The following ADCK5 variants were observed in gnomAD, a reference collection of about 807,000 sequenced individuals.
ADCK5 encodes aarF domain containing kinase 5.
A neutral mutation model predicts 64.9 loss-of-function variants in ADCK5; 43 were observed. The observed-to-expected ratio is 0.66, with a 90% CI of 0.52 to 0.85. ADCK5 has a LOEUF of 0.85. Among genes scored for constraint, ADCK5 ranks in the 40% least tolerant of loss-of-function variants. The pLI, the probability that ADCK5 is intolerant of heterozygous loss-of-function variation, is 0.00. For synonymous variants in ADCK5, 434 were observed against 342.8 expected (o/e 1.27, Z -2.94); for missense variants, 760 against 810.5 (o/e 0.94, Z 0.76).
chr8:144,376,903 T>C lies in ADCK5; in HGVS notation c.13-2484T>C, dbSNP rs1819389598. ...CTTGTGAATCAGCACTTGCTGCATG[T>C]GACCTCGCCAAGCAGGGGTTTCTGT... On this transcript the variant is annotated intron_variant, in intron 1 of 14. Transcript: ENST00000308860. This position sits in a 1 kb window ranked among gnomAD's most constrained non-coding sequence, Gnocchi z 5.1. Among the ~76,000 whole-genome samples the C allele has an allele frequency of 6.6e-6, 1 of 152,242 alleles. No homozygotes were observed. Among genetic ancestry groups the C allele is most frequent in the African/African-American group, 2.4e-5 (1 of 41,468 alleles).
Position 144,393,123 on chromosome 8 carries a change from G to A in ADCK5, c.*49G>A, listed in dbSNP as rs1820413608. 6.8e-7 allele frequency: 1 copy of A among 1,474,204 alleles called. No homozygotes were observed. Among genetic ancestry groups the A allele is most frequent in the Non-Finnish European group, 9.0e-7 (1 of 1,110,518 alleles). The allele number at this position is 1,474,204 out of a possible 1,614,324, so 91.3% of individuals were successfully genotyped here. A position where few individuals can be genotyped will look rare whatever the true frequency, so the allele number is the denominator to read the frequency against. On this transcript the variant is annotated 3_prime_UTR_variant, in exon 15 of 15. Transcript: ENST00000308860. Reference sequence around the variant, plus strand: ...GGGCCCTTTTCACCTTGGGCTGACGGAGGTGGCGGGGCTAGAGGTGTAGAC... The same window carrying A: ...GGGCCCTTTTCACCTTGGGCTGACGAAGGTGGCGGGGCTAGAGGTGTAGAC...
Position 144,391,924 on chromosome 8 carries a change from GCCTCT to G in ADCK5, c.1015-9_1015-5del. 6.2e-7 allele frequency: 1 copy of G among 1,612,012 alleles called. No individual in the cohort carries two copies. Among genetic ancestry groups the G allele is most frequent in the Non-Finnish European group, 8.5e-7 (1 of 1,179,928 alleles). ...GGGCTGGTGCTGTGTCCACTGCAAT[GCCTCT>G]CCTCTCCCCAGATAGCAGAAAAGCT... On this transcript the variant is annotated splice_polypyrimidine_tract_variant and intron_variant, in intron 9 of 14. Transcript: ENST00000308860.
intron 3 of ADCK5, chr8:144,389,273 C>A: frequency 2.2e-6 from 1 of 456,766 alleles, no homozygotes; most frequent in South Asian, 1.5e-5. Context: ...ACCTTGCCTC[C>A]CCAGGCCTTG....
upstream of ADCK5, chr8:144,373,997 G>T (rs1165035837): frequency 7.4e-6 from 9 of 1,211,778 alleles, no homozygotes; most frequent in African/African-American, 1.4e-4. Context: ...CGGGGCTCTG[G>T]CTCCGGCGCG....
chr8:144,392,453 C>T lies in ADCK5; in HGVS notation c.1276C>T (p.Leu426=). ...CCTCCCTCCCTCCCCAGACTACCTC[C>T]TGTTCGCCGAGATGCTCATGCAGCG... is the stretch of plus-strand genomic sequence containing the variant. ...AAALGVQDYL[L]FAEMLMQRPV... The change falls in exon 13 of 15, where the codon CTG becomes TTG. Residue 426 remains leucine, a synonymous_variant. Coordinates refer to ENST00000308860, the MANE Select transcript of ADCK5 (RefSeq NM_174922.5). 5 of 1,487,474 alleles carry T rather than the reference C, an allele frequency of 3.4e-6. No homozygotes were observed. Among genetic ancestry groups the T allele is most frequent in the Non-Finnish European group, 4.5e-6 (5 of 1,116,920 alleles). The allele number at this position is 1,487,474 out of a possible 1,614,324, so 92.1% of individuals were successfully genotyped here.
intron 2 of ADCK5, among the ~76,000 whole-genome samples, chr8:144,380,438 C>G (rs1365242741): frequency 1.2e-4 from 1 of 8,590 alleles, no homozygotes; most frequent in South Asian, 3.4e-3. Flanking sequence ...CTGCTGCACT[C>G]AGGATTATGG....
chr8:144,392,780 G>C lies in ADCK5; in HGVS notation c.1525G>C (p.Val509Leu). The C allele has an allele frequency of 6.3e-7, 1 of 1,593,026 alleles. No homozygotes were observed. Among genetic ancestry groups the C allele is most frequent in the Non-Finnish European group, 8.5e-7 (1 of 1,173,826 alleles). ...DRYFLMAKRA[V>L]RGWSRLAGAT... is the part of the protein sequence containing the mutation. ...CGCTAACGCGGGTGTGTGCAGGGCT[G>C]TCCGGGGCTGGAGCCGCCTGGCGGG... The change falls in exon 14 of 15, where the codon GTC becomes CTC. Residue 509 changes from valine to leucine, a missense_variant. Around this residue, in one of 2 missense-constraint regions of ADCK5, gnomAD observed 333 missense variants for 292.0 expected, o/e 1.14. Coordinates refer to ENST00000308860, the MANE Select transcript of ADCK5 (RefSeq NM_174922.5).
At chr8:144,385,250 T>C (rs1819863914) in intron 3 of ADCK5, among the ~76,000 whole-genome samples, 1 of 150,866 alleles carries the variant, frequency 6.6e-6, no homozygotes, top group African/African-American at 2.4e-5. Context: ...AGTGGTGCGA[T>C]CTCAGCTCAC....
chr8:144,377,686 T>C (rs1819423351), intron 1 of ADCK5, among the ~76,000 whole-genome samples: 1 of 152,224 alleles, frequency 6.6e-6, no homozygotes, highest in South Asian at 2.1e-4. Flanking sequence ...AGCTGCAGCA[T>C]GTCCTCTTCT....
At chr8:144,377,591 A>C (rs1586574257) in intron 1 of ADCK5, 1 of 152,128 alleles carries the variant, frequency 6.6e-6, no homozygotes, top group Non-Finnish European at 1.5e-5. Context: ...CTCATGATCC[A>C]CCCGCTTTGG....
At chr8:144,379,953 G>C (rs782487693) in intron 2 of ADCK5, among the ~76,000 whole-genome samples, 4 of 152,234 alleles carry the variant, frequency 2.6e-5, no homozygotes, top group Admixed American at 1.3e-4. Context: ...CAGGAAGGCC[G>C]TGGAGGGTAG....
In ADCK5 at chr8:144,391,393, T is replaced by C. The variant is rs782592909; in HGVS notation, c.717T>C (p.Asp239=). The C allele has an allele frequency of 1.2e-6, 2 of 1,613,218 alleles. No homozygotes were observed. Among genetic ancestry groups the C allele is most frequent in the Admixed American group, 3.3e-5 (2 of 60,016 alleles). Residue 239 remains aspartate, a synonymous_variant, in exon 7 of 15, where the codon GAT becomes GAC. Coordinates refer to ENST00000308860, the MANE Select transcript of ADCK5 (RefSeq NM_174922.5). The part of the protein sequence containing the change: ...VQYIDLRDRF[D]GDIHTLELLL... ...ACATCGACCTGCGGGACCGCTTTGA[T>C]GGGGACATCCACACCCTGGAGCTCC...
At chr8:144,385,711 C>A (rs1464311115) in intron 3 of ADCK5, among the ~76,000 whole-genome samples, 10 of 151,724 alleles carry the variant, frequency 6.6e-5, no homozygotes, top group Admixed American at 6.5e-4. Flanking sequence ...CGCCTGTAAT[C>A]CCAGAACTTT....
chr8:144,386,281 G>A (rs1436391429), intron 3 of ADCK5, among the ~76,000 whole-genome samples: 14 of 151,608 alleles, frequency 9.2e-5, no homozygotes, highest in African/African-American at 3.4e-4. Context: ...CAAATGGCTG[G>A]GATTACAGGT....
intron 2 of ADCK5, among the ~76,000 whole-genome samples, chr8:144,381,452 A>C (rs1554858071): frequency 2.5e-5 from 3 of 120,406 alleles, no homozygotes; most frequent in East Asian, 2.7e-4. Context: ...GTGCTCAGGC[A>C]CCTGCCGCAC....
In ADCK5 at chr8:144,391,706, A is replaced by G; in HGVS notation, c.925A>G (p.Ser309Gly). Residue 309 changes from serine (S) to glycine (G), a missense_variant, in exon 8 of 15, where the codon AGC (serine) becomes GGC (glycine). Physicochemically the swap from Ser to Gly is moderately conservative, Grantham distance 56. Around this residue, in one of 2 missense-constraint regions of ADCK5, gnomAD observed 427 missense variants for 518.4 expected, o/e 0.82. Transcript: ENST00000308860. ...VVPRVHWDKS[S>G]KRVLTADFCA... ...GCCCCGCGTGCACTGGGACAAGTCC[A>G]GCAAGGTGGGCTGGGCCAGGCCCTT... 1 of 1,539,544 alleles carries G rather than the reference A, an allele frequency of 6.5e-7. No individual in the cohort carries two copies. Among genetic ancestry groups the G allele is most frequent in the Non-Finnish European group, 8.7e-7 (1 of 1,147,198 alleles).
At chr8:144,391,541 G>C in intron 7 of ADCK5, 39 bp from the exon 8 acceptor site, 2 of 1,584,750 alleles carry the variant, frequency 1.3e-6, no homozygotes, top group South Asian at 1.1e-5. Context: ...GGAGCAGCTG[G>C]TAGGCAGAGC....
Position 144,376,437 on chromosome 8 carries a change from G to A in ADCK5, c.12+2330G>A, listed in dbSNP as rs190747749. Among the ~76,000 whole-genome samples the A allele has an allele frequency of 8.5e-5, 13 of 152,306 alleles. No homozygotes were observed. Among genetic ancestry groups the A allele is most frequent in the African/African-American group, 3.1e-4 (13 of 41,560 alleles). On this transcript the variant is annotated intron_variant, in intron 1 of 14. Coordinates refer to ENST00000308860, the MANE Select transcript of ADCK5 (RefSeq NM_174922.5). This position sits in a 1 kb window ranked among gnomAD's most constrained non-coding sequence, Gnocchi z 5.1. Reference sequence around the variant, plus strand: ...ATGAGCAAGGCTGCTGGTGGACCAGGGTAGGGTGATGGTGGCCCGGGGTCT... The same window carrying A: ...ATGAGCAAGGCTGCTGGTGGACCAGAGTAGGGTGATGGTGGCCCGGGGTCT...
chr8:144,379,476 G>A lies in ADCK5; in HGVS notation c.102G>A (p.Arg34=). ...CTGTGTTCTTCAGGAGAAACGTCAG[G>A]GGCCTTCCTCCAAGGTAACGAGTCC... The part of the protein sequence containing the change: ...SPAVFFRRNV[R]GLPPRFSSPT... The change falls in exon 2 of 15, where the codon AGG becomes AGA. Residue 34 remains arginine (R), a synonymous_variant. Coordinates refer to ENST00000308860, the MANE Select transcript of ADCK5 (RefSeq NM_174922.5). The A allele has an allele frequency of 1.2e-6, 2 of 1,603,972 alleles. No homozygotes were observed. Among genetic ancestry groups the A allele is most frequent in the Non-Finnish European group, 1.7e-6 (2 of 1,174,046 alleles).
Sources: gnomAD v4.1 joint callset for allele counts (sites outside exome capture counted in the v4.1 genomes callset) on GRCh38, gnomAD v4.1.1 for gene constraint, gnomAD v4.1.1 regional missense constraint, Gnocchi (gnomAD v3.1) non-coding constraint, MANE v1.5 for transcripts, NCBI Gene and HGNC (gene_info 2026-07-23, HGNC 2026-07-21) for gene names.